Variants in SRD5A1 observed in about 807,000 individuals in gnomAD.
SRD5A1 encodes 3-oxo-5-alpha-steroid 4-dehydrogenase 1.
SRD5A1 carries 22 observed loss-of-function variants against 28.2 expected under a neutral mutation model. The observed-to-expected ratio is 0.78, with a 90% confidence interval of 0.56 to 1.12. SRD5A1 has a LOEUF of 1.12. SRD5A1 is among the 50% of genes most tolerant of loss of function. SRD5A1 has a pLI of 0.00. For missense variants in SRD5A1, 300 were observed against 346.7 expected (o/e 0.87, Z 1.07); for synonymous variants, 151 against 135.0 (o/e 1.12, Z -0.82).
rs1315918207 is a variant in SRD5A1, at chr5:6,651,997, G to A, written c.449G>A (p.Arg150His). The A allele has an allele frequency of 7.4e-6, 12 of 1,612,770 alleles. No individual in the cohort carries two copies. Among genetic ancestry groups the A allele is most frequent in the East Asian group, 2.2e-5 (1 of 44,870 alleles). ...VYADDWVTDP[R>H]FLIGFGLWLT... ...GCTGATGACTGGGTAACAGATCCCC[G>A]TTTTCTAATAGGTGAGTGTCCACAG... The change falls in exon 2 of 5, where the codon CGT becomes CAT. Residue 150 changes from arginine (R) to histidine (H), a missense_variant. Transcript: ENST00000274192.
chr5:6,658,434 G>A (rs1203597499), intron 3 of SRD5A1, among the ~76,000 whole-genome samples: 2 of 152,234 alleles, frequency 1.3e-5, no homozygotes, highest in Non-Finnish European at 2.9e-5. Context: ...ACCTGTCGCA[G>A]TAAAGGGAGA....
intron 2 of SRD5A1, among the ~76,000 whole-genome samples, chr5:6,653,892 T>G (rs967111570): frequency 9.9e-5 from 15 of 152,100 alleles, no homozygotes; most frequent in African/African-American, 3.6e-4. Context: ...CAGAAGGATT[T>G]GAAAAGGAAA....
intron 2 of SRD5A1, among the ~76,000 whole-genome samples, chr5:6,654,456 T>C (rs1373419277): frequency 6.6e-6 from 1 of 152,008 alleles, no homozygotes; most frequent in East Asian, 1.9e-4. Context: ...GTTTGTTTTT[T>C]CTTGAGGCAG....
chr5:6,661,260 G>C (rs937486236), intron 3 of SRD5A1, among the ~76,000 whole-genome samples: 3 of 151,964 alleles, frequency 2.0e-5, no homozygotes, highest in African/African-American at 7.3e-5. Context: ...ACCATCTCAG[G>C]CTGGGTGTCA....
chr5:6,658,425 C>A (rs1738896315), intron 3 of SRD5A1, among the ~76,000 whole-genome samples: 1 of 152,214 alleles, frequency 6.6e-6, no homozygotes, highest in African/African-American at 2.4e-5. Flanking sequence ...AAACTTATTA[C>A]CTGTCGCAGT....
intron 4 of SRD5A1, among the ~76,000 whole-genome samples, chr5:6,664,485 A>T (rs1401824464): frequency 6.6e-6 from 1 of 152,012 alleles, no homozygotes; most frequent in Non-Finnish European, 1.5e-5. Context: ...GCTCACTGCC[A>T]CCTCTGCCTC....
At chr5:6,649,798 T>C (rs1346636151) in intron 1 of SRD5A1, among the ~76,000 whole-genome samples, 2 of 152,134 alleles carry the variant, frequency 1.3e-5, no homozygotes, top group African/African-American at 4.8e-5. Context: ...GATAAGCCAG[T>C]TACCTCAGTT....
At chr5:6,651,476 T>C (rs1579404541) in intron 1 of SRD5A1, among the ~76,000 whole-genome samples, 1 of 152,088 alleles carries the variant, frequency 6.6e-6, no homozygotes, top group Non-Finnish European at 1.5e-5. Context: ...GAGCAACAGA[T>C]TGAGACTTGG....
chr5:6,663,092 A>G (rs1393178519), intron 4 of SRD5A1, 126 bp downstream of exon 4: 38 of 1,193,744 alleles, frequency 3.2e-5, no homozygotes, highest in Non-Finnish European at 4.3e-5. Context: ...TGCTTTGGCC[A>G]AACAAGTACA....
chr5:6,667,146 G>A (rs925988936), intron 4 of SRD5A1, among the ~76,000 whole-genome samples: 12 of 152,318 alleles, frequency 7.9e-5, no homozygotes, highest in Middle Eastern at 3.4e-3. Context: ...GCTTGGCCAC[G>A]TTGTGTGTTG....
At chr5:6,659,360 A>G (rs574869446) in intron 3 of SRD5A1, among the ~76,000 whole-genome samples, 31 of 151,782 alleles carry the variant, frequency 2.0e-4, no homozygotes, top group Admixed American at 3.3e-4. Flanking sequence ...TGATCCGCCC[A>G]CCTTGGCCTC....
chr5:6,656,243 G>A (rs1208106848), intron 3 of SRD5A1, 64 bp downstream of exon 3: 26 of 1,321,500 alleles, frequency 2.0e-5, no homozygotes, highest in Middle Eastern at 1.8e-4. Context: ...CTATTTTAGT[G>A]TTGCCAGCTC....
intron 1 of SRD5A1, among the ~76,000 whole-genome samples, chr5:6,641,353 G>A (rs1738354940): frequency 6.6e-6 from 1 of 152,194 alleles, no homozygotes; most frequent in Non-Finnish European, 1.5e-5. Context: ...GGATTTCCAA[G>A]GAAGTAAACT....
chr5:6,667,405 C>T (rs1739217772), intron 4 of SRD5A1, among the ~76,000 whole-genome samples: 1 of 152,154 alleles, frequency 6.6e-6, no homozygotes, highest in Non-Finnish European at 1.5e-5. Context: ...TTTGCCAACT[C>T]CCTCTCAGTT....
At chr5:6,661,729 C>T (rs1253357391) in intron 3 of SRD5A1, among the ~76,000 whole-genome samples, 1 of 152,092 alleles carries the variant, frequency 6.6e-6, no homozygotes, top group Non-Finnish European at 1.5e-5. Context: ...GACAAGGTTT[C>T]ACCATGTTGG....
rs200365674 is a variant in SRD5A1, at chr5:6,670,881, T to TAC, written c.*2614_*2615insCA. The TAC allele has an allele frequency of 1.1e-4, 16 of 148,622 alleles. No homozygotes were observed. The highest frequency in any genetic ancestry group is 3.9e-4 in the African/African-American group (15 of 38,900). 9.2% of individuals were successfully genotyped at this position (148,622 alleles called of 1,614,324 possible). On this transcript the variant is annotated 3_prime_UTR_variant, in exon 5 of 5. Coordinates refer to ENST00000274192, the MANE Select transcript of SRD5A1 (RefSeq NM_001047.4). ...TTTATGGCTGAGTAGTATTCCATTG[T>TAC]ATATATATATATACCACTTGTTGAC... is the stretch of plus-strand genomic sequence containing the variant.
chr5:6,655,971 C>A, intron 2 of SRD5A1, 107 bp from the exon 3 acceptor site: 1 of 785,798 alleles, frequency 1.3e-6, no homozygotes, highest in Admixed American at 2.3e-5. Flanking sequence ...GTTACACTAA[C>A]AATGGTAATC....
At chr5:6,666,400 A>ATGTG (rs1561006492) in intron 4 of SRD5A1, among the ~76,000 whole-genome samples, 1 of 152,200 alleles carries the variant, frequency 6.6e-6, no homozygotes, top group Non-Finnish European at 1.5e-5. Flanking sequence ...TGCCCGCCTC[A>ATGTG]GCCTCCCAAA....
Position 6,669,629 on chromosome 5 carries a change from T to C in SRD5A1, c.*1361T>C, listed in dbSNP as rs138273047. 5 of 152,350 alleles carry C rather than the reference T, an allele frequency of 3.3e-5. No homozygotes were observed. The highest frequency in any genetic ancestry group is 7.2e-5 in the African/African-American group (3 of 41,576). The allele number at this position is 152,350 out of a possible 1,614,324, so 9.4% of individuals were successfully genotyped here. ...ATTCTTTCATCATATTTCCTGTTTTTATTTGGTTTTTTCAACTTCTTCTGT... is the reference window on the plus strand; with the variant it reads ...ATTCTTTCATCATATTTCCTGTTTTCATTTGGTTTTTTCAACTTCTTCTGT... On this transcript the variant is annotated 3_prime_UTR_variant, in exon 5 of 5. Coordinates refer to ENST00000274192, the MANE Select transcript of SRD5A1 (RefSeq NM_001047.4).
Sources: allele counts gnomAD v4.1 joint callset (sites outside exome capture counted in the v4.1 genomes callset), GRCh38; gene constraint gnomAD v4.1.1; transcripts MANE v1.5; gene names NCBI Gene and HGNC (gene_info 2026-07-23, HGNC 2026-07-21).